Variants in SPATC1 observed in about 807,000 individuals in gnomAD.
SPATC1 encodes the protein spermatogenesis and centriole associated 1, also known as speriolin.
A neutral mutation model predicts 36.5 loss-of-function variants in SPATC1; 35 were observed. That is an observed-to-expected ratio of 0.96 (90% CI 0.73 to 1.27). The LOEUF is 1.27. Among genes scored for constraint, SPATC1 ranks in the 50% most tolerant of loss-of-function variants. The probability of loss-of-function intolerance (pLI) is 0.00; values close to 1 mark genes in which losing one functional copy is unlikely to be tolerated. For synonymous variants in SPATC1, 361 were observed against 353.6 expected, an observed-to-expected ratio of 1.02 and a Z score of -0.24; for missense variants, 779 against 796.0, an observed-to-expected ratio of 0.98 and a Z score of 0.26.
intron 1 of SPATC1, among the ~76,000 whole-genome samples, chr8:144,018,914 C>T (rs1834446811): frequency 7.1e-6 from 1 of 141,648 alleles, no homozygotes; most frequent in Non-Finnish European, 1.5e-5. Context: ...TGGTGGCGGG[C>T]GCCTGTGGTC....
rs1165801794 is a variant in SPATC1, at chr8:144,029,202, T to TAAAAAAA, written c.212-10683_212-10677dup. ...ACATCCTACACATGTACCCCAGAAC[T>TAAAAAAA]AAAAAAAAAAAAAAAAAAAAAAAAA... On this transcript the variant is annotated intron_variant, in intron 1 of 4. Transcript: ENST00000377470. Among the ~76,000 whole-genome samples the TAAAAAAA allele has an allele frequency of 6.5e-3, 182 of 28,160 alleles. 28 individuals are homozygous for TAAAAAAA. The highest frequency in any genetic ancestry group is 0.019 in the African/African-American group (166 of 8,838). 18.5% of individuals were successfully genotyped at this position (28,160 alleles called of 152,430 possible).
chr8:144,046,406 G>A lies in SPATC1; in HGVS notation c.1447-221G>A, dbSNP rs1156473668. 6.6e-6 allele frequency among the ~76,000 whole-genome samples: 1 copy of A among 152,164 alleles called. No homozygotes were observed. The highest frequency in any genetic ancestry group is 2.4e-5 in the African/African-American group (1 of 41,418). On this transcript the variant is annotated intron_variant, in intron 4 of 4. Transcript: ENST00000377470. This position sits in a 1 kb window ranked among gnomAD's most constrained non-coding sequence, Gnocchi z 6.6. ...CTGAGGCCCTACTGGGGAGCTTTGA[G>A]AGCCACCTGCCCTGCCCGGATCAGG... is the stretch of plus-strand genomic sequence containing the variant.
intron 1 of SPATC1, among the ~76,000 whole-genome samples, chr8:144,037,173 C>T (rs1481547551): frequency 4.4e-4 from 59 of 135,526 alleles, no homozygotes; most frequent in Non-Finnish European, 7.5e-4. Context: ...CCCAGCCGGC[C>T]GCCCCGTCCG....
intron 1 of SPATC1, among the ~76,000 whole-genome samples, chr8:144,021,620 A>C (rs1834537893): frequency 8.3e-6 from 1 of 120,210 alleles, no homozygotes; most frequent in African/African-American, 3.2e-5. Flanking sequence ...TGTCCAGAAG[A>C]ACCTCACACC....
chr8:144,014,523 G>A (rs367762378), intron 1 of SPATC1, among the ~76,000 whole-genome samples: 2 of 152,214 alleles, frequency 1.3e-5, no homozygotes, highest in African/African-American at 4.8e-5. Context: ...TCCTGTTTAA[G>A]AAGCTAGACT....
chr8:144,020,471 C>T (rs1384593697), intron 1 of SPATC1, among the ~76,000 whole-genome samples: 1 of 145,356 alleles, frequency 6.9e-6, no homozygotes, highest in Non-Finnish European at 1.5e-5. Context: ...GGACACTCTT[C>T]CCTCAGGACT....
intron 1 of SPATC1, among the ~76,000 whole-genome samples, chr8:144,035,839 C>A (rs1834887851): frequency 6.6e-6 from 1 of 152,242 alleles, no homozygotes; most frequent in African/African-American, 2.4e-5. Flanking sequence ...GACTGCCTCT[C>A]CCCAGTCATC....
At chr8:144,042,382 C>T (rs1265349397) in intron 4 of SPATC1, among the ~76,000 whole-genome samples, 75 of 125,874 alleles carry the variant, frequency 6.0e-4, no homozygotes, top group Middle Eastern at 5.9e-3. Flanking sequence ...TGCAATGGTG[C>T]GATCTCGGAT....
chr8:144,028,711 C>T (rs1389861571), intron 1 of SPATC1, among the ~76,000 whole-genome samples: 1 of 151,954 alleles, frequency 6.6e-6, no homozygotes, highest in African/African-American at 2.4e-5. Context: ...GGGTATATAC[C>T]CAAAGGAATA....
rs1835239965 is a variant in SPATC1, at chr8:144,045,639, G to A, written c.1447-988G>A. Among the ~76,000 whole-genome samples the A allele has an allele frequency of 6.6e-6, 1 of 152,226 alleles. No homozygotes were observed. Among genetic ancestry groups the A allele is most frequent in the Admixed American group, 6.5e-5 (1 of 15,286 alleles). On this transcript the variant is annotated intron_variant, in intron 4 of 4. Transcript: ENST00000377470. The surrounding 1 kb of genome is among the most constrained non-coding windows in gnomAD (Gnocchi z 5.2). The stretch of plus-strand genomic sequence containing the variant: ...GCAGGAGGAGCTTGGGCAGGGGATA[G>A]CCCACCCAACTCCACTTTAGACCCG...
rs1835264211 is a variant in SPATC1 at position 144,046,483 on chromosome 8, T to A, written c.1447-144T>A. The A allele has an allele frequency of 4.0e-6, 3 of 741,090 alleles. No homozygotes were observed. The highest frequency in any genetic ancestry group is 7.8e-4 in the Middle Eastern group (2 of 2,574). 45.9% of individuals were successfully genotyped at this position (741,090 alleles called of 1,614,324 possible). A position where few individuals can be genotyped will look rare whatever the true frequency, so the allele number is the denominator to read the frequency against. ...ACTGGGTTCCCCTGTCCTAGATTCT[T>A]GAGGTCTGTCGCAGAACCTCCCCAC... On this transcript the variant is annotated intron_variant, in intron 4 of 4. Transcript: ENST00000377470. This position sits in a 1 kb window ranked among gnomAD's most constrained non-coding sequence, Gnocchi z 6.6.
At chr8:144,025,709 C>T (rs1223034842) in intron 1 of SPATC1, among the ~76,000 whole-genome samples, 2 of 152,120 alleles carry the variant, frequency 1.3e-5, no homozygotes, top group Admixed American at 6.5e-5. Context: ...CCAGGGACCT[C>T]GGTAAGGCAG....
chr8:144,040,808 C>T lies in SPATC1; in HGVS notation c.1007C>T (p.Ala336Val), dbSNP rs1183328803. 2.4e-6 allele frequency: 3 copies of T among 1,245,908 alleles called. No individual in the cohort carries two copies. Among genetic ancestry groups the T allele is most frequent in the Non-Finnish European group, 3.2e-6 (3 of 949,012 alleles). The allele number at this position is 1,245,908 out of a possible 1,614,324, so 77.2% of individuals were successfully genotyped here. ...ACCTCCCCCACGGTCACCGTCCTTG[C>T]CTCTGCCCCCGCCCTTGCCCCCCAG... ...PTTSPTVTVLASAPALAPQVA... is the reference protein window; with the variant it reads ...PTTSPTVTVLVSAPALAPQVA... The change falls in exon 3 of 5, where the codon GCC becomes GTC. Residue 336 changes from alanine (A) to valine (V), a missense_variant. Ala to Val is a moderately conservative substitution (Grantham distance 64). Transcript: ENST00000377470.
At chr8:144,042,298 TATATATA>T (rs1835126825) in intron 4 of SPATC1, among the ~76,000 whole-genome samples, 1 of 59,542 alleles carries the variant, frequency 1.7e-5, no homozygotes, top group Non-Finnish European at 3.0e-5. Flanking sequence ...TATATATATA[TATATATA>T]TATATATTTT....
chr8:144,033,617 AC>A (rs1279654299), intron 1 of SPATC1, among the ~76,000 whole-genome samples: 6 of 152,108 alleles, frequency 3.9e-5, no homozygotes, highest in Admixed American at 1.3e-4. Flanking sequence ...TTCAGTTGCT[AC>A]CTGTCTGGCT....
Position 144,046,597 on chromosome 8 carries a change from G to C in SPATC1, c.1447-30G>C. 6.3e-7 allele frequency: 1 copy of C among 1,584,898 alleles called. No homozygotes were observed. The highest frequency in any genetic ancestry group is 8.6e-7 in the Non-Finnish European group (1 of 1,167,954). On this transcript the variant is annotated intron_variant, in intron 4 of 4. Transcript: ENST00000377470. The surrounding 1 kb of genome is among the most constrained non-coding windows in gnomAD (Gnocchi z 6.6). ...GCCTGTGTGTGGAGGTGTGGCAAGG[G>C]AGGGTCCCTGATGGCCGCTGTCCCC...
Position 144,037,274 on chromosome 8 carries a change from G to A in SPATC1, c.212-2635G>A, listed in dbSNP as rs562366298. ...TCTGCCCGGCCGCCCCTACTGGGAA[G>A]TGAAGAGCCCCTCTGCCCGGCCACC... On this transcript the variant is annotated intron_variant, in intron 1 of 4. Transcript: ENST00000377470. Among the ~76,000 whole-genome samples, 247 of 150,632 alleles carry A rather than the reference G, an allele frequency of 1.6e-3. 1 individual carries two copies. Among genetic ancestry groups the A allele is most frequent in the African/African-American group, 5.2e-3 (215 of 41,170 alleles).
At chr8:144,025,326 C>T (rs961416974) in intron 1 of SPATC1, among the ~76,000 whole-genome samples, 1 of 152,184 alleles carries the variant, frequency 6.6e-6, no homozygotes, top group Non-Finnish European at 1.5e-5. Flanking sequence ...GGATTCCAGT[C>T]GTGAGGCCAG....
rs1835246600 is a variant in SPATC1 at position 144,045,897 on chromosome 8, A to AT, written c.1447-729dup. Among the ~76,000 whole-genome samples, 1 of 152,242 alleles carries AT rather than the reference A, an allele frequency of 6.6e-6. No homozygotes were observed. The highest frequency in any genetic ancestry group is 2.4e-5 in the African/African-American group (1 of 41,460). On this transcript the variant is annotated intron_variant, in intron 4 of 4. Transcript: ENST00000377470. The surrounding 1 kb of genome is among the most constrained non-coding windows in gnomAD (Gnocchi z 5.2). ...AGGCTGAGTGGGAGGGGCTGCCTTC[A>AT]TGATTACATGCCTTAGGGCGGGAGC...
Sources: allele counts gnomAD v4.1 joint callset (sites outside exome capture counted in the v4.1 genomes callset), GRCh38; gene constraint gnomAD v4.1.1; non-coding constraint Gnocchi (gnomAD v3.1); transcripts MANE v1.5; gene names NCBI Gene and HGNC (gene_info 2026-07-23, HGNC 2026-07-21).